Variants in S100Z observed in about 807,000 individuals in gnomAD.
S100Z encodes the protein protein S100-Z.
A neutral mutation model predicts 8.5 loss-of-function variants in S100Z; 11 were observed. The ratio of observed to expected loss-of-function variants is 1.30; its 90% confidence interval spans 0.82 to 2.15. The LOEUF is 2.15. S100Z is among the 30% of genes most tolerant of loss of function. The probability of loss-of-function intolerance (pLI) is 0.00; values close to 1 mark genes in which losing one functional copy is unlikely to be tolerated. For missense variants in S100Z, 126 were observed against 117.9 expected, an observed-to-expected ratio of 1.07 and a Z score of -0.32; for synonymous variants, 34 against 43.8, an observed-to-expected ratio of 0.78 and a Z score of 0.89.
At chr5:76,856,524 C>T (rs1231471353) in intron 1 of S100Z, among the ~76,000 whole-genome samples, 1 of 152,180 alleles carries the variant, frequency 6.6e-6, no homozygotes, top group Non-Finnish European at 1.5e-5. Context: ...TACAAATTAC[C>T]GAGTCTCAGG....
intron 4 of S100Z, among the ~76,000 whole-genome samples, chr5:76,888,987 G>T (rs935168978): frequency 6.6e-6 from 1 of 152,180 alleles, no homozygotes; most frequent in Non-Finnish European, 1.5e-5. Context: ...GAACATTAAG[G>T]TGCCCTACAT....
chr5:76,948,325 C>CTAAATAAATAAA, the S100Z span, among the ~76,000 whole-genome samples: 50,941 of 147,552 alleles, frequency 0.35, 9,327 homozygotes, highest in East Asian at 0.47. Flanking sequence ...GACTCTGTCT[C>CTAAATAAATAAA]TAAATAAATA....
At chr5:76,867,304 GGTT>G (rs1279002542) in intron 1 of S100Z, among the ~76,000 whole-genome samples, 1 of 152,118 alleles carries the variant, frequency 6.6e-6, no homozygotes, top group Non-Finnish European at 1.5e-5. Flanking sequence ...ATTTGAATCT[GGTT>G]ACATAAAAAG....
the S100Z span, among the ~76,000 whole-genome samples, chr5:76,931,692 T>G: frequency 6.6e-6 from 1 of 152,326 alleles, no homozygotes. Flanking sequence ...ACATTAAGGT[T>G]GCATTAGGAG....
chr5:76,861,527 C>T (rs1348627383), intron 1 of S100Z, among the ~76,000 whole-genome samples: 4 of 152,052 alleles, frequency 2.6e-5, no homozygotes, highest in African/African-American at 9.7e-5. Flanking sequence ...TTAGTAGAGA[C>T]GGGGTTTCGC....
intron 4 of S100Z, among the ~76,000 whole-genome samples, chr5:76,917,529 G>A (rs1372590392): frequency 6.6e-6 from 1 of 152,130 alleles, no homozygotes. Context: ...GAAAGCTTGG[G>A]TCAAAAATCA....
At chr5:76,886,120 C>G (rs1743619958) in intron 4 of S100Z, among the ~76,000 whole-genome samples, 1 of 152,064 alleles carries the variant, frequency 6.6e-6, no homozygotes, top group African/African-American at 2.4e-5. Flanking sequence ...TGCTTGCCCC[C>G]CAGAAAAGTG....
intron 4 of S100Z, among the ~76,000 whole-genome samples, chr5:76,919,239 A>C (rs1183447060): frequency 6.6e-6 from 1 of 152,212 alleles, no homozygotes; most frequent in Non-Finnish European, 1.5e-5. Flanking sequence ...TAGTAAGAGC[A>C]TGTTCAGTTT....
At chr5:76,883,090 T>A (rs1033790088) in intron 4 of S100Z, among the ~76,000 whole-genome samples, 1 of 152,162 alleles carries the variant, frequency 6.6e-6, no homozygotes. Context: ...AGGCAAGTGA[T>A]AACAGGCTTT....
At chr5:76,891,437 T>G (rs1468332468) in intron 4 of S100Z, among the ~76,000 whole-genome samples, 1 of 152,180 alleles carries the variant, frequency 6.6e-6, no homozygotes, top group Non-Finnish European at 1.5e-5. Context: ...GTGAATTGCT[T>G]CAACCAAATA....
chr5:76,867,309 CA>C (rs1184275541), intron 1 of S100Z, among the ~76,000 whole-genome samples: 1 of 152,146 alleles, frequency 6.6e-6, no homozygotes, highest in Non-Finnish European at 1.5e-5. Flanking sequence ...AATCTGGTTA[CA>C]TAAAAAGACA....
At chr5:76,874,959 A>C (rs1743127754) in intron 2 of S100Z, among the ~76,000 whole-genome samples, 1 of 151,764 alleles carries the variant, frequency 6.6e-6, no homozygotes. Flanking sequence ...ATCTCGGCTC[A>C]CTGCAAACTC....
At chr5:76,952,953 A>G in the S100Z span, 1 of 602,778 alleles carries the variant, frequency 1.7e-6, no homozygotes, top group Non-Finnish European at 3.0e-6. Flanking sequence ...GAGACAGGGT[A>G]ACCCATGGTT....
intron 1 of S100Z, among the ~76,000 whole-genome samples, chr5:76,863,908 A>G (rs894448666): frequency 1.3e-5 from 2 of 152,262 alleles, no homozygotes; most frequent in Non-Finnish European, 2.9e-5. Flanking sequence ...GAAGCCTTAT[A>G]AACTGGAAAC....
rs1451793911 is a variant in S100Z at position 76,850,088 on chromosome 5, A to G, written c.-243A>G. 6.6e-6 allele frequency: 1 copy of G among 152,236 alleles called. No homozygotes were observed. The highest frequency in any genetic ancestry group is 1.5e-5 in the Non-Finnish European group (1 of 68,108). The allele number at this position is 152,236 out of a possible 1,614,324, so 9.4% of individuals were successfully genotyped here. ...CTGCTGGGAGGAAAACGGCTTGCTA[A>G]TCTCCACGCCCAGAAATTCAGACAA... is the stretch of plus-strand genomic sequence containing the variant. On this transcript the variant is annotated 5_prime_UTR_variant, in exon 1 of 5. Transcript: ENST00000317593.
chr5:76,919,784 T>G (rs1744979620), intron 4 of S100Z, among the ~76,000 whole-genome samples: 1 of 151,932 alleles, frequency 6.6e-6, no homozygotes, highest in South Asian at 2.1e-4. Context: ...ATTCTTTTTT[T>G]GTAGAGATGA....
intron 1 of S100Z, among the ~76,000 whole-genome samples, chr5:76,851,026 TG>T (rs1480351066): frequency 6.6e-6 from 1 of 152,194 alleles, no homozygotes; most frequent in East Asian, 1.9e-4. Context: ...GAAGGGTGCT[TG>T]GCCCAGAGTA....
chr5:76,929,936 C>G, the S100Z span, among the ~76,000 whole-genome samples: 141,841 of 152,276 alleles, frequency 0.93, 66,857 homozygotes, highest in Non-Finnish European at 1. Context: ...AAAAGGAAAG[C>G]AGACAGGCAT....
chr5:76,941,108 G>A, the S100Z span, among the ~76,000 whole-genome samples: 48 of 152,290 alleles, frequency 3.2e-4, no homozygotes, highest in East Asian at 8.7e-3. Flanking sequence ...TTGGCTCACC[G>A]TTCTGCAGGC....
Sources: allele counts gnomAD v4.1 joint callset (sites outside exome capture counted in the v4.1 genomes callset), GRCh38; gene constraint gnomAD v4.1.1; transcripts MANE v1.5; gene names NCBI Gene and HGNC (gene_info 2026-07-23, HGNC 2026-07-21).